The following SYNJ2 variants were observed in gnomAD, a reference collection of about 807,000 sequenced individuals.
SYNJ2 encodes the protein synaptojanin 2, also known as polyphosphatidylinositol phosphatase SYNJ2.
In SYNJ2, 116 loss-of-function variants were observed where a neutral mutation model predicts 141.3. That is an observed-to-expected ratio of 0.82 (90% CI 0.71 to 0.96). The LOEUF (loss-of-function observed/expected upper bound fraction) is 0.96, where lower values mean the gene tolerates loss of function less well. Ranked by LOEUF, SYNJ2 falls within the 40% of genes least tolerant of loss-of-function variation. The probability of loss-of-function intolerance (pLI) is 0.00; values close to 1 mark genes in which losing one functional copy is unlikely to be tolerated. For missense variants in SYNJ2, 1,873 were observed against 1,934.8 expected (o/e 0.97, Z 0.60); for synonymous variants, 745 against 777.7 (o/e 0.96, Z 0.70).
chr6:157,990,491 G>A (rs1292268948), intron 1 of SYNJ2, among the ~76,000 whole-genome samples: 1 of 152,158 alleles, frequency 6.6e-6, no homozygotes, highest in East Asian at 1.9e-4. Context: ...GTCCCCAGGG[G>A]CCTTTGAAGT....
chr6:157,993,669 G>A (rs1777531663), intron 1 of SYNJ2, among the ~76,000 whole-genome samples: 1 of 145,774 alleles, frequency 6.9e-6, no homozygotes, highest in African/African-American at 2.6e-5. Context: ...TAGTTTGAGG[G>A]CCATGGCATT....
intron 6 of SYNJ2, among the ~76,000 whole-genome samples, chr6:158,057,285 G>A (rs927178998): frequency 2.0e-5 from 3 of 152,152 alleles, no homozygotes; most frequent in South Asian, 2.1e-4. Context: ...GTATGATGCC[G>A]ACCTTGCTGC....
At chr6:158,000,954 G>A (rs73792874) in intron 1 of SYNJ2, among the ~76,000 whole-genome samples, 2,510 of 152,162 alleles carry the variant, frequency 0.016, 69 homozygotes, top group African/African-American at 0.058. Context: ...CATTCATTAA[G>A]GAGCAGAGTT....
At chr6:158,020,673 CAGCTGTGTGACTCCATGTATGTGACCCT>C (rs1380210002) in intron 2 of SYNJ2, among the ~76,000 whole-genome samples, 2 of 151,282 alleles carry the variant, frequency 1.3e-5, no homozygotes, top group East Asian at 3.9e-4. Context: ...TGCGTGACTT[CAGCTGTGTGACTCCATGTATGTGACCCT>C]AGCTGTGTGA....
chr6:158,081,473 A>C lies in SYNJ2; in HGVS notation c.2828A>C (p.His943Pro). 6.2e-7 allele frequency: 1 copy of C among 1,613,706 alleles called. No individual in the cohort carries two copies. Among genetic ancestry groups the C allele is most frequent in the Non-Finnish European group, 8.5e-7 (1 of 1,179,960 alleles). The change falls in exon 20 of 27, where the codon CAC (histidine) becomes CCC (proline). Residue 943 changes from histidine (H) to proline (P), a missense_variant. By Grantham distance (77) the His-to-Pro change is moderately conservative. Coordinates refer to ENST00000355585, the MANE Select transcript of SYNJ2 (RefSeq NM_003898.4). ...ATGCTGGTAACTTTTGCAGACAGTCACTCGGCTCTCAGTGTCCTGGACGTG... is the reference window on the plus strand; with the variant it reads ...ATGCTGGTAACTTTTGCAGACAGTCCCTCGGCTCTCAGTGTCCTGGACGTG... ...GQMLVTFADS[H>P]SALSVLDVDG...
chr6:158,088,707 G>T lies in SYNJ2; in HGVS notation c.3391G>T (p.Gly1131Cys). The T allele has an allele frequency of 6.2e-7, 1 of 1,613,940 alleles. No individual in the cohort carries two copies. The highest frequency in any genetic ancestry group is 8.5e-7 in the Non-Finnish European group (1 of 1,179,982). ...KSASDASISS[G>C]THGQYSILQT... is the part of the protein sequence containing the mutation. ...GGCTTCAGATGCGTCCATCTCCTCC[G>T]GCACCCATGGACAGTATTCAATTTT... The change falls in exon 24 of 27, where the codon GGC (glycine) becomes TGC (cysteine). Residue 1131 changes from glycine to cysteine, a missense_variant. Gly to Cys is a radical substitution (Grantham distance 159, BLOSUM62 -3). Coordinates refer to ENST00000355585, the MANE Select transcript of SYNJ2 (RefSeq NM_003898.4).
Position 158,072,950 on chromosome 6 carries a change from G to A in SYNJ2, c.2133+1156G>A, listed in dbSNP as rs148204431. 1.6e-3 allele frequency among the ~76,000 whole-genome samples: 250 copies of A among 151,544 alleles called. 1 individual carries two copies. The highest frequency in any genetic ancestry group is 5.6e-3 in the African/African-American group (231 of 41,364). On this transcript the variant is annotated intron_variant, in intron 15 of 26. Transcript: ENST00000355585. ...TAGCCAGGCGTGGTGGCGTGCACCTGTAATCCCAGCTACTCAGGAGGCTGA... is the reference window on the plus strand; with the variant it reads ...TAGCCAGGCGTGGTGGCGTGCACCTATAATCCCAGCTACTCAGGAGGCTGA...
intron 22 of SYNJ2, among the ~76,000 whole-genome samples, chr6:158,085,684 A>G (rs573788252): frequency 6.6e-6 from 1 of 152,226 alleles, no homozygotes; most frequent in South Asian, 2.1e-4. Context: ...GAGCTTTTAA[A>G]CTTATGGATT....
Position 158,068,733 on chromosome 6 carries a change from G to A in SYNJ2, c.1799+5G>A. ...AGGGAATATTGTCAATGCCAGGTAA[G>A]GGGCCAGGTGTGCGGGGCCAGGCAG... On this transcript the variant is annotated splice_donor_5th_base_variant and intron_variant, in intron 13 of 26. Coordinates refer to ENST00000355585, the MANE Select transcript of SYNJ2 (RefSeq NM_003898.4). 6.2e-7 allele frequency: 1 copy of A among 1,614,080 alleles called. No homozygotes were observed. The highest frequency in any genetic ancestry group is 8.5e-7 in the Non-Finnish European group (1 of 1,180,002).
In SYNJ2 at chr6:158,098,682, G is replaced by T. The variant is rs1224979600; in HGVS notation, c.*2318G>T. The T allele has an allele frequency of 1.3e-5, 2 of 152,110 alleles. No homozygotes were observed. Among genetic ancestry groups the T allele is most frequent in the African/African-American group, 4.8e-5 (2 of 41,414 alleles). The allele number at this position is 152,110 out of a possible 1,614,324, so 9.4% of individuals were successfully genotyped here. On this transcript the variant is annotated 3_prime_UTR_variant, in exon 27 of 27. Coordinates refer to ENST00000355585, the MANE Select transcript of SYNJ2 (RefSeq NM_003898.4). ...GCCATCTTGGGGGATTTCATTCTGT[G>T]GTTTTTTAAATGTTTCGTCTTTGAT...
chr6:158,005,140 C>G (rs556097424), intron 1 of SYNJ2, among the ~76,000 whole-genome samples: 3 of 150,246 alleles, frequency 2.0e-5, no homozygotes, highest in Admixed American at 6.6e-5. Context: ...TGCAGTGGCG[C>G]GATCTCGGCT....
Position 158,027,057 on chromosome 6 carries a change from G to T in SYNJ2, c.215-1699G>T, listed in dbSNP as rs1779084590. ...GCCCTGCTGGCAGCCCCACCCCATG[G>T]CATAGCAGCAGGCCCCTGGGAGCCC... On this transcript the variant is annotated intron_variant, in intron 2 of 26. Transcript: ENST00000355585. The surrounding 1 kb of genome is among the most constrained non-coding windows in gnomAD (Gnocchi z 4.6). 1 of 985,238 alleles carries T rather than the reference G, an allele frequency of 1.0e-6. No individual in the cohort carries two copies. Among genetic ancestry groups the T allele is most frequent in the Non-Finnish European group, 1.2e-6 (1 of 829,942 alleles). The allele number at this position is 985,238 out of a possible 1,614,324, so 61.0% of individuals were successfully genotyped here. A position where few individuals can be genotyped will look rare whatever the true frequency, so the allele number is the denominator to read the frequency against.
At chr6:158,045,194 G>GC (rs1318359413) in intron 5 of SYNJ2, among the ~76,000 whole-genome samples, 1 of 140,930 alleles carries the variant, frequency 7.1e-6, no homozygotes, top group Non-Finnish European at 1.5e-5. Context: ...TGCAACATCT[G>GC]CCCCCCGAGT....
At chr6:157,994,167 G>A (rs1039929070) in intron 1 of SYNJ2, among the ~76,000 whole-genome samples, 1 of 152,102 alleles carries the variant, frequency 6.6e-6, no homozygotes, top group Non-Finnish European at 1.5e-5. Flanking sequence ...TGTTTTATAT[G>A]TTGCATGAAC....
intron 1 of SYNJ2, among the ~76,000 whole-genome samples, chr6:158,016,508 T>A (rs188696943): frequency 6.6e-6 from 1 of 152,180 alleles, no homozygotes; most frequent in Non-Finnish European, 1.5e-5. Flanking sequence ...TATTTTGTTC[T>A]GTGCACTTAA....
chr6:158,058,200 T>C (rs2128359151), intron 6 of SYNJ2, among the ~76,000 whole-genome samples: 1 of 152,366 alleles, frequency 6.6e-6, no homozygotes, highest in Admixed American at 6.5e-5. Flanking sequence ...CTACCACTTT[T>C]GACATCATGT....
rs1779896151 is a variant in SYNJ2, at chr6:158,040,625, C to T, written c.712-2691C>T. 6.6e-6 allele frequency among the ~76,000 whole-genome samples: 1 copy of T among 152,192 alleles called. No individual in the cohort carries two copies. The highest frequency in any genetic ancestry group is 2.1e-4 in the South Asian group (1 of 4,838). On this transcript the variant is annotated intron_variant, in intron 4 of 26. Transcript: ENST00000355585. This position sits in a 1 kb window ranked among gnomAD's most constrained non-coding sequence, Gnocchi z 4.2. Reference sequence around the variant, plus strand: ...AGGTTAGGATGACTGCGTGTCCTCCCAGGAATGCAGACTTGGAGATAATTG... The same window carrying T: ...AGGTTAGGATGACTGCGTGTCCTCCTAGGAATGCAGACTTGGAGATAATTG...
At chr6:158,093,716 T>G (rs1783621053) in intron 26 of SYNJ2, among the ~76,000 whole-genome samples, 1 of 152,164 alleles carries the variant, frequency 6.6e-6, no homozygotes, top group African/African-American at 2.4e-5. Flanking sequence ...GTGGGATGCT[T>G]TTCCCCACAT....
Position 158,033,685 on chromosome 6 carries a change from G to A in SYNJ2, c.711+5G>A. On this transcript the variant is annotated splice_donor_5th_base_variant and intron_variant, in intron 4 of 26. Coordinates refer to ENST00000355585, the MANE Select transcript of SYNJ2 (RefSeq NM_003898.4). ...AACTTCGTGGAGACAGAGCAGGTGA[G>A]TGCCCAGGCCCATCTGTGGCACCAA... is the stretch of plus-strand genomic sequence containing the variant. 1.2e-6 allele frequency: 2 copies of A among 1,601,632 alleles called. No individual in the cohort carries two copies. The highest frequency in any genetic ancestry group is 3.3e-5 in the Admixed American group (2 of 59,884).
Sources: allele counts gnomAD v4.1 joint callset (sites outside exome capture counted in the v4.1 genomes callset), GRCh38; gene constraint gnomAD v4.1.1; non-coding constraint Gnocchi (gnomAD v3.1); transcripts MANE v1.5; gene names NCBI Gene and HGNC (gene_info 2026-07-23, HGNC 2026-07-21).